The following GPHN variants were observed in gnomAD, a reference collection of about 807,000 sequenced individuals.
GPHN encodes the protein gephyrin.
A neutral mutation model predicts 95.5 loss-of-function variants in GPHN; 17 were observed. That is an observed-to-expected ratio of 0.18 (90% CI 0.12 to 0.27). The LOEUF is 0.27. Among genes scored for constraint, GPHN ranks in the 10% least tolerant of loss-of-function variants. GPHN has a pLI of 1.00. For missense variants in GPHN, 660 were observed against 978.1 expected, an observed-to-expected ratio of 0.67 and a Z score of 4.34; for synonymous variants, 320 against 322.5, an observed-to-expected ratio of 0.99 and a Z score of 0.08.
Position 66,508,498 on chromosome 14 carries a change from C to T in GPHN, c.-30C>T, listed in dbSNP as rs1273999161. ...CTCCGGGCTCCGGTTTCTCCCGGCT[C>T]CTGTCAGTGCGGTGACTGCGCTGGG... On this transcript the variant is annotated 5_prime_UTR_variant, in exon 1 of 23. Coordinates refer to ENST00000478722, the MANE Select transcript of GPHN (RefSeq NM_020806.5). 6.8e-6 allele frequency: 11 copies of T among 1,610,148 alleles called. No individual in the cohort carries two copies. The highest frequency in any genetic ancestry group is 2.2e-5 in the South Asian group (2 of 91,014).
chr14:67,722,405 T>C, the GPHN span: 1 of 596,440 alleles, frequency 1.7e-6, no homozygotes, highest in Non-Finnish European at 3.0e-6. Flanking sequence ...AAACCTTGAC[T>C]CCATCCCCTC....
chr14:67,291,205 A>G, the GPHN span, among the ~76,000 whole-genome samples: 1 of 151,544 alleles, frequency 6.6e-6, no homozygotes, highest in South Asian at 2.1e-4. Context: ...CACACAGCCT[A>G]TTTGGGAGCA....
At chr14:67,279,493 A>T in the GPHN span, 3 of 1,579,490 alleles carry the variant, frequency 1.9e-6, no homozygotes, top group African/African-American at 4.1e-5. Flanking sequence ...GATACAGAGG[A>T]AGGAATTGTC....
chr14:66,809,946 T>G (rs2060694430), intron 3 of GPHN, among the ~76,000 whole-genome samples: 1 of 152,094 alleles, frequency 6.6e-6, no homozygotes, highest in Middle Eastern at 3.2e-3. Flanking sequence ...AATTTTCCTC[T>G]CAAATCAGAA....
the GPHN span, among the ~76,000 whole-genome samples, chr14:67,315,602 T>G: frequency 5.9e-5 from 9 of 152,188 alleles, no homozygotes; most frequent in Non-Finnish European, 1.0e-4. Context: ...CTCTTAAAAT[T>G]TTCCTTCTAG....
chr14:67,380,995 C>CT, the GPHN span, among the ~76,000 whole-genome samples: 2 of 152,002 alleles, frequency 1.3e-5, no homozygotes, highest in Admixed American at 1.3e-4. Context: ...AAAGGTAGCC[C>CT]TTTTTTTAAA....
At chr14:67,696,938 C>G in the GPHN span, among the ~76,000 whole-genome samples, 2 of 152,182 alleles carry the variant, frequency 1.3e-5, no homozygotes, top group Non-Finnish European at 2.9e-5. Context: ...ATACTAATTC[C>G]TACCAATTTA....
At chr14:67,660,125 G>A in the GPHN span, 2 of 527,914 alleles carry the variant, frequency 3.8e-6, no homozygotes, top group African/African-American at 3.9e-5. Context: ...CACAGAGCAG[G>A]CATTCGAGTA....
At chr14:67,003,594 C>G (rs2072393240) in intron 9 of GPHN, among the ~76,000 whole-genome samples, 1 of 151,582 alleles carries the variant, frequency 6.6e-6, no homozygotes, top group Non-Finnish European at 1.5e-5. Context: ...GGAGGAAACT[C>G]TAGAAATTGG....
the GPHN span, among the ~76,000 whole-genome samples, chr14:67,311,498 T>C: frequency 0.15 from 23,521 of 152,064 alleles, 3,437 homozygotes; most frequent in East Asian, 0.42. Flanking sequence ...TGAGATCTCA[T>C]TAGATGAAGT....
rs758779545 is a variant in GPHN, at chr14:66,705,415, G to A, written c.143+24230G>A. Reference sequence around the variant, plus strand: ...GTTGAACATTGATGCAAAAATCATCGATAAAATACTGGCAAACCAAATCCA... The same window carrying A: ...GTTGAACATTGATGCAAAAATCATCAATAAAATACTGGCAAACCAAATCCA... On this transcript the variant is annotated intron_variant, in intron 2 of 22. Transcript: ENST00000478722. Among the ~76,000 whole-genome samples the A allele has an allele frequency of 3.9e-5, 6 of 151,936 alleles. 1 individual carries two copies. Among genetic ancestry groups the A allele is most frequent in the Non-Finnish European group, 8.8e-5 (6 of 67,914 alleles).
the GPHN span, among the ~76,000 whole-genome samples, chr14:67,526,318 T>A: frequency 6.6e-6 from 1 of 152,238 alleles, no homozygotes; most frequent in South Asian, 2.1e-4. Flanking sequence ...GCTTGGACTT[T>A]GTGCAGCGGC....
chr14:66,586,850 A>G (rs1026123576), intron 1 of GPHN, among the ~76,000 whole-genome samples: 5 of 152,190 alleles, frequency 3.3e-5, no homozygotes, highest in Admixed American at 6.5e-5. Context: ...AGGACTAGAA[A>G]AAACAACAAT....
At chr14:67,147,909 C>T (rs1299846588) in intron 18 of GPHN, among the ~76,000 whole-genome samples, 1 of 152,174 alleles carries the variant, frequency 6.6e-6, no homozygotes, top group Non-Finnish European at 1.5e-5. Flanking sequence ...TTATTCCCAG[C>T]ATTTCTTTTT....
intron 10 of GPHN, among the ~76,000 whole-genome samples, chr14:67,045,799 C>T (rs1360322346): frequency 1.3e-5 from 2 of 151,596 alleles, no homozygotes; most frequent in African/African-American, 4.8e-5. Context: ...GTGCATCTGT[C>T]TCTTTCTCTC....
the GPHN span, among the ~76,000 whole-genome samples, chr14:67,455,777 T>G: frequency 6.6e-6 from 1 of 152,166 alleles, no homozygotes; most frequent in Non-Finnish European, 1.5e-5. Context: ...ACATATTAAT[T>G]AAGCACCTGC....
chr14:67,063,544 T>C (rs559019802), intron 11 of GPHN, among the ~76,000 whole-genome samples: 2 of 152,350 alleles, frequency 1.3e-5, no homozygotes, highest in East Asian at 1.9e-4. Flanking sequence ...TTTCATGATA[T>C]TGATTCTTCT....
intron 8 of GPHN, among the ~76,000 whole-genome samples, chr14:66,954,327 G>C (rs184566369): frequency 6.6e-6 from 1 of 152,110 alleles, no homozygotes; most frequent in African/African-American, 2.4e-5. Flanking sequence ...TGTAATTTTT[G>C]ATATACAGGT....
chr14:67,063,417 T>A (rs2075903607), intron 11 of GPHN, among the ~76,000 whole-genome samples: 1 of 152,244 alleles, frequency 6.6e-6, no homozygotes, highest in Non-Finnish European at 1.5e-5. Flanking sequence ...CAATGAGAGC[T>A]CTTTTTTGGT....
Sources: gnomAD v4.1 joint callset for allele counts (sites outside exome capture counted in the v4.1 genomes callset) on GRCh38, gnomAD v4.1.1 for gene constraint, MANE v1.5 for transcripts, NCBI Gene and HGNC (gene_info 2026-07-23, HGNC 2026-07-21) for gene names.